Variants in BCAS3 observed in about 807,000 individuals in gnomAD.
BCAS3 encodes BCAS4/BCAS3 fusion.
BCAS3 carries 53 observed loss-of-function variants against 116.1 expected under a neutral mutation model. The observed-to-expected ratio is 0.46, with a 90% CI of 0.37 to 0.57. The LOEUF is 0.57. BCAS3 is among the 20% of genes least tolerant of loss of function. BCAS3 has a pLI of 0.00. For synonymous variants in BCAS3, 391 were observed against 408.2 expected (o/e 0.96, Z 0.51); for missense variants, 917 against 1,165.4 (o/e 0.79, Z 3.10).
Position 61,118,703 on chromosome 17 carries a change from G to A in BCAS3, c.2425+34139G>A, listed in dbSNP as rs1012384. 0.65 allele frequency among the ~76,000 whole-genome samples: 99,008 copies of A among 151,440 alleles called. 37,999 individuals are homozygous for A. The highest frequency in any genetic ancestry group is 0.95 in the South Asian group (4,561 of 4,812). On this transcript the variant is annotated intron_variant, in intron 22 of 23. Coordinates refer to ENST00000407086, the MANE Select transcript of BCAS3 (RefSeq NM_017679.5). The surrounding 1 kb of genome is among the most constrained non-coding windows in gnomAD (Gnocchi z 5.0). ...TTGTCTAAAAGTTTCTGTCTTGCTA[G>A]GCTACACATTCCTGTTTTTTTTGGC...
chr17:61,257,188 G>A (rs181371689), intron 22 of BCAS3, among the ~76,000 whole-genome samples: 10 of 152,094 alleles, frequency 6.6e-5, no homozygotes, highest in South Asian at 4.2e-4. Flanking sequence ...TTGGGAGGCC[G>A]AGGCAGGCAG....
chr17:60,811,389 A>G, intron 7 of BCAS3: 1 of 614,624 alleles, frequency 1.6e-6, no homozygotes, highest in Admixed American at 2.0e-5. Context: ...ACCATCCAGA[A>G]GACCACCTCT....
intron 22 of BCAS3, among the ~76,000 whole-genome samples, chr17:61,359,286 G>A (rs1308321466): frequency 2.0e-5 from 3 of 152,122 alleles, no homozygotes; most frequent in Non-Finnish European, 4.4e-5. Flanking sequence ...AGCTTACAAA[G>A]CACTTGTCAA....
intron 22 of BCAS3, among the ~76,000 whole-genome samples, chr17:61,197,665 G>A (rs1161175986): frequency 6.6e-6 from 1 of 152,126 alleles, no homozygotes; most frequent in African/African-American, 2.4e-5. Flanking sequence ...CCCTCAATCA[G>A]GTATACATCT....
intron 7 of BCAS3, among the ~76,000 whole-genome samples, chr17:60,841,546 A>ATTTTTTTTTTTTTTTTTT (rs754447784): frequency 5.7e-5 from 7 of 123,462 alleles, no homozygotes; most frequent in African/African-American, 2.4e-4. Flanking sequence ...CACCTGGCTA[A>ATTTTTTTTTTTTTTTTTT]TTTTTTTTTT....
intron 5 of BCAS3, among the ~76,000 whole-genome samples, chr17:60,715,124 TTCTC>T (rs1343998007): frequency 1.3e-5 from 2 of 149,692 alleles, no homozygotes; most frequent in Non-Finnish European, 2.9e-5. Flanking sequence ...TCTGTACTCT[TTCTC>T]TTTCTTTTTT....
intron 15 of BCAS3, among the ~76,000 whole-genome samples, chr17:61,011,786 A>G (rs1228530804): frequency 1.3e-5 from 2 of 152,074 alleles, no homozygotes; most frequent in Admixed American, 6.6e-5. Flanking sequence ...ATAGTGTAAA[A>G]TCATTTATAA....
chr17:61,218,294 G>GA (rs1472922523), intron 22 of BCAS3, among the ~76,000 whole-genome samples: 1 of 152,114 alleles, frequency 6.6e-6, no homozygotes, highest in African/African-American at 2.4e-5. Context: ...TTTCCTAGCC[G>GA]AAAGACTGAA....
rs2082573160 is a variant in BCAS3 at position 61,229,936 on chromosome 17, C to T, written c.2426-138391C>T. 1.3e-5 allele frequency among the ~76,000 whole-genome samples: 2 copies of T among 152,182 alleles called. No individual in the cohort carries two copies. The highest frequency in any genetic ancestry group is 1.3e-4 in the Admixed American group (2 of 15,278). On this transcript the variant is annotated intron_variant, in intron 22 of 23. Coordinates refer to ENST00000407086, the MANE Select transcript of BCAS3 (RefSeq NM_017679.5). The surrounding 1 kb of genome is among the most constrained non-coding windows in gnomAD (Gnocchi z 4.4). The stretch of plus-strand genomic sequence containing the variant: ...GGTCAGGAGTTCAAGACCAGCCTGG[C>T]CAATATAGCAAAATCTGGTCTCTAC...
At chr17:61,195,274 G>T (rs2080408184) in intron 22 of BCAS3, among the ~76,000 whole-genome samples, 1 of 152,164 alleles carries the variant, frequency 6.6e-6, no homozygotes, top group Non-Finnish European at 1.5e-5. Flanking sequence ...ATGAAATATT[G>T]GTTGTCCAGG....
chr17:60,685,591 ATCT>A (rs935527707), intron 3 of BCAS3, among the ~76,000 whole-genome samples: 1 of 152,048 alleles, frequency 6.6e-6, no homozygotes, highest in African/African-American at 2.4e-5. Context: ...CGGGTTAATC[ATCT>A]TATTCGTCAT....
intron 15 of BCAS3, among the ~76,000 whole-genome samples, chr17:61,009,419 TG>T (rs1375214548): frequency 6.6e-6 from 1 of 152,082 alleles, no homozygotes; most frequent in African/African-American, 2.4e-5. Flanking sequence ...AATCTTTCTT[TG>T]TCCTCCATTA....
intron 5 of BCAS3, among the ~76,000 whole-genome samples, chr17:60,738,418 C>A (rs140482710): frequency 6.6e-6 from 1 of 152,336 alleles, no homozygotes; most frequent in African/African-American, 2.4e-5. Context: ...ATTAAGTCTT[C>A]TTGGGGTATT....
intron 14 of BCAS3, among the ~76,000 whole-genome samples, chr17:60,969,321 T>C (rs2061830712): frequency 6.6e-6 from 1 of 152,122 alleles, no homozygotes; most frequent in African/African-American, 2.4e-5. Flanking sequence ...TGAAGGAAAA[T>C]ATGCTTCTTT....
At chr17:61,155,908 A>G (rs895310220) in intron 22 of BCAS3, among the ~76,000 whole-genome samples, 1 of 152,206 alleles carries the variant, frequency 6.6e-6, no homozygotes, top group Non-Finnish European at 1.5e-5. Flanking sequence ...TACCTCAGCC[A>G]CAGAGCATCC....
intron 5 of BCAS3, 132 bp from the exon 6 acceptor site, chr17:60,747,066 A>G: frequency 1.8e-6 from 1 of 548,474 alleles, no homozygotes; most frequent in Non-Finnish European, 3.2e-6. Context: ...GACCAATGAT[A>G]AATGGGTGTG....
At position 61,309,798 on chromosome 17, in the gene BCAS3, C is replaced by T. The variant is rs146584156; in HGVS notation, c.2426-58529C>T. Reference sequence around the variant, plus strand: ...CAGTACAGGGTGACAAGAGGGAGCCCGAGAGCCCCCCATGAATCTGTCTGC... The same window carrying T: ...CAGTACAGGGTGACAAGAGGGAGCCTGAGAGCCCCCCATGAATCTGTCTGC... On this transcript the variant is annotated intron_variant, in intron 22 of 23. Coordinates refer to ENST00000407086, the MANE Select transcript of BCAS3 (RefSeq NM_017679.5). This position sits in a 1 kb window ranked among gnomAD's most constrained non-coding sequence, Gnocchi z 4.6. 3.4e-3 allele frequency among the ~76,000 whole-genome samples: 519 copies of T among 152,142 alleles called. 2 individuals are homozygous for T. The highest frequency in any genetic ancestry group is 0.012 in the African/African-American group (483 of 41,482).
intron 15 of BCAS3, among the ~76,000 whole-genome samples, chr17:61,003,174 C>CT (rs1373640361): frequency 1.3e-5 from 2 of 151,088 alleles, no homozygotes; most frequent in African/African-American, 2.4e-5. Flanking sequence ...TATTTTCTAT[C>CT]TTTTTTTTAA....
rs969243824 is a variant in BCAS3 at position 61,063,965 on chromosome 17, A to G, written c.2030-10955A>G. On this transcript the variant is annotated intron_variant, in intron 19 of 23. Coordinates refer to ENST00000407086, the MANE Select transcript of BCAS3 (RefSeq NM_017679.5). This position sits in a 1 kb window ranked among gnomAD's most constrained non-coding sequence, Gnocchi z 5.3. ...TGTCTCCATAAACTTTTGGTAAAGC[A>G]TCAATAATTTCACCATTCTTCTACC... Among the ~76,000 whole-genome samples, 1 of 152,230 alleles carries G rather than the reference A, an allele frequency of 6.6e-6. No individual in the cohort carries two copies. Among genetic ancestry groups the G allele is most frequent in the Non-Finnish European group, 1.5e-5 (1 of 68,048 alleles).
Sources: allele counts gnomAD v4.1 joint callset (sites outside exome capture counted in the v4.1 genomes callset), GRCh38; gene constraint gnomAD v4.1.1; non-coding constraint Gnocchi (gnomAD v3.1); transcripts MANE v1.5; gene names NCBI Gene and HGNC (gene_info 2026-07-23, HGNC 2026-07-21).